HTR4: variants seen among roughly 807,000 people sequenced by gnomAD.
HTR4 encodes 5-hydroxytryptamine receptor 4, also known as 5-hydroxytryptamine (serotonin) receptor 4, G protein-coupled.
In HTR4, 16 loss-of-function variants were observed where a neutral mutation model predicts 36.8. The ratio of observed to expected loss-of-function variants is 0.43; its 90% CI spans 0.29 to 0.66. HTR4 has a LOEUF of 0.66. Among genes scored for constraint, HTR4 ranks in the 30% least tolerant of loss-of-function variants. The pLI is 0.13. For synonymous variants in HTR4, 189 were observed against 185.1 expected (o/e 1.02, Z -0.17); for missense variants, 438 against 490.9 (o/e 0.89, Z 1.02).
intron 6 of HTR4, among the ~76,000 whole-genome samples, chr5:148,504,714 T>C (rs1423881612): frequency 6.6e-6 from 1 of 152,054 alleles, no homozygotes; most frequent in Admixed American, 6.6e-5. Context: ...AGCTGGTTTT[T>C]TGAAAAGATC....
chr5:148,461,139 A>G (rs890420026), intron 5 of HTR4, among the ~76,000 whole-genome samples: 3 of 152,106 alleles, frequency 2.0e-5, no homozygotes, highest in African/African-American at 7.2e-5. Flanking sequence ...GATATGATAG[A>G]AAAGATAGAA....
At chr5:148,520,950 T>C (rs201251125) in intron 5 of HTR4, 1 of 1,367,790 alleles carries the variant, frequency 7.3e-7, no homozygotes, top group Non-Finnish European at 9.8e-7. Context: ...CAGGCCTTGG[T>C]TTAGACTCCT....
At chr5:148,528,923 A>G (rs1758418789) in intron 4 of HTR4, among the ~76,000 whole-genome samples, 1 of 150,298 alleles carries the variant, frequency 6.7e-6, no homozygotes, top group Non-Finnish European at 1.5e-5. Context: ...CCGCACAACT[A>G]TTAGATTGGT....
intron 2 of HTR4, among the ~76,000 whole-genome samples, chr5:148,564,362 A>AT (rs1446488065): frequency 6.6e-6 from 1 of 152,164 alleles, no homozygotes; most frequent in Non-Finnish European, 1.5e-5. Context: ...ATATGCTTCC[A>AT]TTGTACCCTA....
intron 5 of HTR4, among the ~76,000 whole-genome samples, chr5:148,517,455 C>G (rs764550928): frequency 1.3e-5 from 2 of 151,972 alleles, no homozygotes; most frequent in Non-Finnish European, 2.9e-5. Flanking sequence ...AATTGCATAT[C>G]TAATAGGTAT....
chr5:148,493,573 CAAT>C (rs1369025702), intron 6 of HTR4, among the ~76,000 whole-genome samples: 1 of 151,560 alleles, frequency 6.6e-6, no homozygotes, highest in East Asian at 1.9e-4. Flanking sequence ...ATTCATGTAT[CAAT>C]GATGAATGAT....
chr5:148,538,895 C>A (rs1303437905), intron 4 of HTR4, among the ~76,000 whole-genome samples: 1 of 151,960 alleles, frequency 6.6e-6, no homozygotes, highest in Non-Finnish European at 1.5e-5. Flanking sequence ...TAATATGGAA[C>A]CAAAAAAAAG....
chr5:148,515,718 C>G (rs552802320), intron 5 of HTR4, among the ~76,000 whole-genome samples: 1 of 151,706 alleles, frequency 6.6e-6, no homozygotes, highest in Admixed American at 6.6e-5. Flanking sequence ...TGTCATTTTT[C>G]TCTAATTACT....
chr5:148,529,993 G>T (rs1343265107), intron 4 of HTR4, among the ~76,000 whole-genome samples: 1 of 152,076 alleles, frequency 6.6e-6, no homozygotes, highest in African/African-American at 2.4e-5. Flanking sequence ...GGTATCTGAT[G>T]GAAGAAATTT....
chr5:148,495,624 A>G (rs1264260882), intron 6 of HTR4, among the ~76,000 whole-genome samples: 1 of 152,176 alleles, frequency 6.6e-6, no homozygotes, highest in Non-Finnish European at 1.5e-5. Flanking sequence ...AAGAACCTCA[A>G]ATCAAATTAA....
intron 6 of HTR4, among the ~76,000 whole-genome samples, chr5:148,500,080 C>CTG (rs1756868735): frequency 6.6e-6 from 1 of 152,124 alleles, no homozygotes; most frequent in Non-Finnish European, 1.5e-5. Context: ...TATAGCAACA[C>CTG]AAAATGGGCC....
At chr5:148,536,212 G>T (rs1758817210) in intron 4 of HTR4, among the ~76,000 whole-genome samples, 1 of 152,118 alleles carries the variant, frequency 6.6e-6, no homozygotes, top group Non-Finnish European at 1.5e-5. Flanking sequence ...CACCAGACCT[G>T]CTTTACAAGA....
intron 5 of HTR4, among the ~76,000 whole-genome samples, chr5:148,452,820 T>C (rs1034280315): frequency 2.0e-5 from 3 of 152,024 alleles, no homozygotes; most frequent in Non-Finnish European, 2.9e-5. Flanking sequence ...GGAAAAGAGA[T>C]AGAAAGGGCC....
intron 2 of HTR4, among the ~76,000 whole-genome samples, chr5:148,613,682 G>A (rs1365925140): frequency 6.7e-6 from 1 of 149,424 alleles, no homozygotes; most frequent in Non-Finnish European, 1.5e-5. Flanking sequence ...TCTGGCCAGG[G>A]CAATTAGGCA....
intron 6 of HTR4, chr5:148,484,514 AG>A: frequency 1.3e-6 from 1 of 768,852 alleles, no homozygotes; most frequent in Non-Finnish European, 2.0e-6. Context: ...TACTATCTCC[AG>A]GCTTCCACCT....
chr5:148,593,686 C>T (rs142706786), intron 2 of HTR4, among the ~76,000 whole-genome samples: 216 of 152,274 alleles, frequency 1.4e-3, no homozygotes, highest in African/African-American at 5.0e-3. Flanking sequence ...AAATTCAAAT[C>T]TAATCCTGTC....
At chr5:148,519,608 T>C (rs1757917908) in intron 5 of HTR4, among the ~76,000 whole-genome samples, 1 of 152,160 alleles carries the variant, frequency 6.6e-6, no homozygotes, top group Admixed American at 6.6e-5. Flanking sequence ...ACCTCCTAAA[T>C]CCCCCAAATC....
intron 2 of HTR4, among the ~76,000 whole-genome samples, chr5:148,619,373 A>G (rs1341526746): frequency 2.0e-5 from 3 of 151,904 alleles, no homozygotes; most frequent in Non-Finnish European, 1.5e-5. Context: ...AAAGAAAATT[A>G]AGATACTTTA....
chr5:148,471,113 A>T (rs1755556000), intron 5 of HTR4, among the ~76,000 whole-genome samples: 1 of 152,332 alleles, frequency 6.6e-6, no homozygotes, highest in South Asian at 2.1e-4. Flanking sequence ...TACTTTCAAA[A>T]ATTGTGTCAA....
Sources: gnomAD v4.1 joint callset for allele counts (sites outside exome capture counted in the v4.1 genomes callset) on GRCh38, gnomAD v4.1.1 for gene constraint, MANE v1.5 for transcripts, NCBI Gene and HGNC (gene_info 2026-07-23, HGNC 2026-07-21) for gene names.